LHFPL3: variants seen among roughly 807,000 people sequenced by gnomAD.
LHFPL3 encodes the protein LHFPL tetraspan subfamily member 3, also known as LHFPL tetraspan subfamily member 3 protein.
A neutral mutation model predicts 19.3 loss-of-function variants in LHFPL3; 5 were observed. The ratio of observed to expected loss-of-function variants is 0.26; its 90% confidence interval spans 0.14 to 0.54. The LOEUF is 0.54. Ranked by LOEUF, LHFPL3 falls within the 20% of genes least tolerant of loss-of-function variation. The pLI is 0.94. For synonymous variants in LHFPL3, 133 were observed against 126.2 expected, an observed-to-expected ratio of 1.05 and a Z score of -0.36; for missense variants, 249 against 307.4, an observed-to-expected ratio of 0.81 and a Z score of 1.42.
At chr7:104,903,738 T>C (rs1209562242) in intron 2 of LHFPL3, among the ~76,000 whole-genome samples, 1 of 152,216 alleles carries the variant, frequency 6.6e-6, no homozygotes, top group Non-Finnish European at 1.5e-5. Context: ...AGTGCTGGGA[T>C]TGCAGGCATG....
chr7:104,514,335 C>T (rs1316352963), intron 1 of LHFPL3, among the ~76,000 whole-genome samples: 4 of 152,164 alleles, frequency 2.6e-5, no homozygotes, highest in African/African-American at 9.7e-5. Context: ...TTCTCCTTCC[C>T]AGTACTTACC....
intron 1 of LHFPL3, among the ~76,000 whole-genome samples, chr7:104,468,503 C>T (rs1792837505): frequency 6.6e-6 from 1 of 152,070 alleles, no homozygotes; most frequent in Non-Finnish European, 1.5e-5. Context: ...GGGGTAAAAA[C>T]CATGACAATA....
intron 1 of LHFPL3, among the ~76,000 whole-genome samples, chr7:104,558,646 G>A (rs935724468): frequency 6.6e-6 from 1 of 150,870 alleles, no homozygotes; most frequent in Admixed American, 6.6e-5. Flanking sequence ...TCACTCTGAT[G>A]GTAGTTTCTT....
chr7:104,594,363 C>A (rs970696845), intron 1 of LHFPL3, among the ~76,000 whole-genome samples: 1 of 152,210 alleles, frequency 6.6e-6, no homozygotes, highest in Non-Finnish European at 1.5e-5. Flanking sequence ...TGACTATTGG[C>A]TCCCACTTTC....
At chr7:104,417,002 G>C (rs1297849889) in intron 1 of LHFPL3, among the ~76,000 whole-genome samples, 3 of 152,202 alleles carry the variant, frequency 2.0e-5, no homozygotes, top group Non-Finnish European at 2.9e-5. Flanking sequence ...ATACCTGGTG[G>C]CCGAATCCCT....
At chr7:104,592,698 A>G (rs1357102134) in intron 1 of LHFPL3, among the ~76,000 whole-genome samples, 1 of 152,118 alleles carries the variant, frequency 6.6e-6, no homozygotes, top group Non-Finnish European at 1.5e-5. Flanking sequence ...CCCTGCCCCC[A>G]GAGGTGGAGT....
intron 1 of LHFPL3, among the ~76,000 whole-genome samples, chr7:104,452,579 CA>C (rs764803810): frequency 8.5e-5 from 13 of 152,266 alleles, no homozygotes; most frequent in African/African-American, 2.6e-4. Flanking sequence ...TTTTAGTTGA[CA>C]TTTTTTTGTT....
At chr7:104,579,819 A>C (rs1350363369) in intron 1 of LHFPL3, among the ~76,000 whole-genome samples, 1 of 152,182 alleles carries the variant, frequency 6.6e-6, no homozygotes. Flanking sequence ...AGCATTTAAC[A>C]CAGCAGTGAG....
chr7:104,726,867 C>G (rs1395112030), intron 1 of LHFPL3, among the ~76,000 whole-genome samples: 1 of 152,146 alleles, frequency 6.6e-6, no homozygotes, highest in Admixed American at 6.5e-5. Context: ...ATTGCTGGGT[C>G]AAATGCTATT....
chr7:104,419,533 T>A (rs182792415), intron 1 of LHFPL3, among the ~76,000 whole-genome samples: 1 of 152,252 alleles, frequency 6.6e-6, no homozygotes, highest in Admixed American at 6.5e-5. Context: ...CAGATCTGGG[T>A]GACTAGAGGA....
chr7:104,408,965 T>C (rs986797204), intron 1 of LHFPL3, among the ~76,000 whole-genome samples: 4 of 146,842 alleles, frequency 2.7e-5, no homozygotes, highest in Non-Finnish European at 3.0e-5. Flanking sequence ...CCGGGGCTCA[T>C]GCCATTCTCC....
intron 1 of LHFPL3, among the ~76,000 whole-genome samples, chr7:104,347,697 G>A (rs1398660086): frequency 6.6e-6 from 1 of 152,110 alleles, no homozygotes; most frequent in African/African-American, 2.4e-5. Flanking sequence ...TTCAAGACCA[G>A]CCTGGCCAAC....
At chr7:104,379,301 A>T (rs1023037208) in intron 1 of LHFPL3, among the ~76,000 whole-genome samples, 1 of 152,200 alleles carries the variant, frequency 6.6e-6, no homozygotes, top group Non-Finnish European at 1.5e-5. Context: ...TTGGGGGAAC[A>T]GTCTGCACTT....
At chr7:104,719,001 T>G (rs1241058961) in intron 1 of LHFPL3, among the ~76,000 whole-genome samples, 1 of 152,154 alleles carries the variant, frequency 6.6e-6, no homozygotes, top group East Asian at 1.9e-4. Context: ...AAAATGCTGT[T>G]TAGATTTTAG....
chr7:104,577,078 A>G (rs762093116), intron 1 of LHFPL3, among the ~76,000 whole-genome samples: 4 of 152,184 alleles, frequency 2.6e-5, no homozygotes, highest in Non-Finnish European at 5.9e-5. Flanking sequence ...GCTTTCTTAT[A>G]TTTCATGAAA....
At chr7:104,813,041 G>A (rs1189837035) in intron 2 of LHFPL3, among the ~76,000 whole-genome samples, 2 of 152,034 alleles carry the variant, frequency 1.3e-5, no homozygotes, top group East Asian at 1.9e-4. Context: ...TTGAACCCAG[G>A]AGGCGGAGGT....
At position 104,726,524 on chromosome 7, in the gene LHFPL3, C is replaced by T. The variant is rs546961512; in HGVS notation, c.446-10151C>T. Among the ~76,000 whole-genome samples, 4 of 152,126 alleles carry T rather than the reference C, an allele frequency of 2.6e-5. No individual in the cohort carries two copies. The South Asian group carries it at 8.3e-4, about 32-fold the overall frequency. ...AGCAGGCCCCAGTGTGTGTTGTTCACCCCTGTGTCTATGTGTTCACATTGT... is the reference window on the plus strand; with the variant it reads ...AGCAGGCCCCAGTGTGTGTTGTTCATCCCTGTGTCTATGTGTTCACATTGT... On this transcript the variant is annotated intron_variant, in intron 1 of 2. Coordinates refer to ENST00000424859, the MANE Select transcript of LHFPL3 (RefSeq NM_199000.3).
At position 104,668,725 on chromosome 7, in the gene LHFPL3, C is replaced by G. The variant is rs376121074; in HGVS notation, c.446-67950C>G. On this transcript the variant is annotated intron_variant, in intron 1 of 2. Coordinates refer to ENST00000424859, the MANE Select transcript of LHFPL3 (RefSeq NM_199000.3). Reference sequence around the variant, plus strand: ...AGGCGTGATGATAGAGGTCCCCCCCCCCCCAAAGACCCAAACTGAATCTAA... The same window carrying G: ...AGGCGTGATGATAGAGGTCCCCCCCGCCCCAAAGACCCAAACTGAATCTAA... The G allele has an allele frequency of 2.8e-4, 441 of 1,585,152 alleles. 9 individuals are homozygous for G. The African/African-American group carries it at 4.1e-3, about 15-fold the overall frequency.
chr7:104,373,399 G>A (rs2116435798), intron 1 of LHFPL3, among the ~76,000 whole-genome samples: 1 of 152,274 alleles, frequency 6.6e-6, no homozygotes, highest in South Asian at 2.1e-4. Context: ...TATTACGTAT[G>A]TTTTAAATAT....
Sources: allele counts gnomAD v4.1 joint callset (sites outside exome capture counted in the v4.1 genomes callset), GRCh38; gene constraint gnomAD v4.1.1; transcripts MANE v1.5; gene names NCBI Gene and HGNC (gene_info 2026-07-23, HGNC 2026-07-21).